Variants in GABRG3 observed in about 807,000 individuals in gnomAD.
The protein encoded by GABRG3 is gamma-aminobutyric acid receptor subunit gamma-3.
A neutral mutation model predicts 48.8 loss-of-function variants in GABRG3; 25 were observed. The observed-to-expected ratio is 0.51, with a 90% confidence interval of 0.37 to 0.72. GABRG3 has a LOEUF of 0.72. GABRG3 is among the 30% of genes least tolerant of loss of function. The pLI is 0.00. For missense variants in GABRG3, 394 were observed against 577.9 expected, an observed-to-expected ratio of 0.68 and a Z score of 3.26; for synonymous variants, 227 against 217.6, an observed-to-expected ratio of 1.04 and a Z score of -0.38.
intron 3 of GABRG3, among the ~76,000 whole-genome samples, chr15:27,064,538 G>A (rs1896705640): frequency 6.6e-6 from 1 of 152,146 alleles, no homozygotes. Flanking sequence ...TTAGGGCTGA[G>A]GTGGGCAGCT....
At chr15:27,080,696 G>A (rs549937764) in intron 3 of GABRG3, among the ~76,000 whole-genome samples, 54 of 152,318 alleles carry the variant, frequency 3.5e-4, no homozygotes, top group Admixed American at 7.2e-4. Context: ...ATAAGACACC[G>A]TAAGAGATTG....
In GABRG3 at chr15:27,180,453, C is replaced by G. The variant is rs1301979113; in HGVS notation, c.271-146356C>G. On this transcript the variant is annotated intron_variant, in intron 3 of 9. Coordinates refer to ENST00000615808, the MANE Select transcript of GABRG3 (RefSeq NM_033223.5). This position sits in a 1 kb window ranked among gnomAD's most constrained non-coding sequence, Gnocchi z 4.2. Reference sequence around the variant, plus strand: ...CATCCATTGTCACACTCGGGACTCTCTGCCTACCCTATGCTTGCACTAGAT... The same window carrying G: ...CATCCATTGTCACACTCGGGACTCTGTGCCTACCCTATGCTTGCACTAGAT... 7.9e-5 allele frequency among the ~76,000 whole-genome samples: 12 copies of G among 152,108 alleles called. No homozygotes were observed. Among genetic ancestry groups the G allele is most frequent in the Non-Finnish European group, 1.5e-5 (1 of 68,024 alleles).
intron 3 of GABRG3, among the ~76,000 whole-genome samples, chr15:27,029,776 C>T (rs1942255390): frequency 6.6e-6 from 1 of 152,120 alleles, no homozygotes; most frequent in Non-Finnish European, 1.5e-5. Flanking sequence ...CCCGAGCTGG[C>T]AGGCTCTGGC....
At chr15:27,467,305 C>T (rs556521673) in intron 5 of GABRG3, among the ~76,000 whole-genome samples, 201 of 152,286 alleles carry the variant, frequency 1.3e-3, no homozygotes, top group African/African-American at 4.3e-3. Flanking sequence ...CTTCAAATAC[C>T]GTCACACTGG....
rs1377196578 is a variant in GABRG3 at position 27,248,786 on chromosome 15, A to ACC, written c.271-78022_271-78021insCC. Reference sequence around the variant, plus strand: ...AAGGAAAACACACACACACACACACACACACACACACACACACAGAGAGAG... The same window carrying ACC: ...AAGGAAAACACACACACACACACACACCCACACACACACACACACAGAGAGAG... On this transcript the variant is annotated intron_variant, in intron 3 of 9. Coordinates refer to ENST00000615808, the MANE Select transcript of GABRG3 (RefSeq NM_033223.5). Among the ~76,000 whole-genome samples, 524 of 113,314 alleles carry ACC rather than the reference A, an allele frequency of 4.6e-3. 3 individuals carry two copies. Among genetic ancestry groups the ACC allele is most frequent in the African/African-American group, 0.018 (478 of 26,008 alleles). The allele number at this position is 113,314 out of a possible 152,430, so 74.3% of individuals were successfully genotyped here.
intron 5 of GABRG3, among the ~76,000 whole-genome samples, chr15:27,399,863 C>A (rs1453228138): frequency 1.3e-5 from 2 of 152,108 alleles, no homozygotes; most frequent in Non-Finnish European, 2.9e-5. Context: ...GTTAAATACC[C>A]GCATTTTACT....
chr15:27,521,248 A>C (rs1363237846), intron 7 of GABRG3, among the ~76,000 whole-genome samples: 1 of 152,168 alleles, frequency 6.6e-6, no homozygotes, highest in Non-Finnish European at 1.5e-5. Context: ...ATTTATAGCC[A>C]GAAGAATTGA....
intron 3 of GABRG3, among the ~76,000 whole-genome samples, chr15:27,196,046 G>A (rs1888487685): frequency 6.6e-6 from 1 of 152,172 alleles, no homozygotes; most frequent in African/African-American, 2.4e-5. Flanking sequence ...TCCCTTGGAG[G>A]TGTAGTTGGA....
intron 6 of GABRG3, among the ~76,000 whole-genome samples, chr15:27,506,938 G>A (rs1890775681): frequency 6.7e-6 from 1 of 150,370 alleles, no homozygotes; most frequent in Admixed American, 6.6e-5. Context: ...TTTATTCTTT[G>A]CAATATTGCA....
chr15:27,164,369 TTAGTATC>T (rs1887303962), intron 3 of GABRG3, among the ~76,000 whole-genome samples: 1 of 152,200 alleles, frequency 6.6e-6, no homozygotes, highest in Non-Finnish European at 1.5e-5. Flanking sequence ...AAGTTGTCAT[TTAGTATC>T]AAATCTACAG....
chr15:27,065,126 C>T (rs1482191618), intron 3 of GABRG3, among the ~76,000 whole-genome samples: 2 of 152,188 alleles, frequency 1.3e-5, no homozygotes, highest in Non-Finnish European at 2.9e-5. Context: ...CGTTGGCTGC[C>T]ACTCTCAATG....
intron 2 of GABRG3, among the ~76,000 whole-genome samples, chr15:26,981,960 G>C (rs1052503801): frequency 2.6e-5 from 4 of 152,138 alleles, no homozygotes; most frequent in Non-Finnish European, 4.4e-5. Flanking sequence ...GTGCAGCGTT[G>C]GAGAAATCAT....
At chr15:27,330,735 G>A (rs1019234511) in intron 5 of GABRG3, among the ~76,000 whole-genome samples, 3 of 152,208 alleles carry the variant, frequency 2.0e-5, no homozygotes, top group Non-Finnish European at 4.4e-5. Context: ...ATACATGAAA[G>A]TGAATGCCTT....
intron 2 of GABRG3, among the ~76,000 whole-genome samples, chr15:26,990,713 T>C (rs1281123856): frequency 8.5e-5 from 13 of 152,088 alleles, no homozygotes; most frequent in Admixed American, 6.5e-4. Flanking sequence ...CTCAGACCAG[T>C]GTCCTAGAGA....
chr15:26,971,353 G>A lies in GABRG3; in HGVS notation c.-183G>A. 1 of 367,888 alleles carries A rather than the reference G, an allele frequency of 2.7e-6. No homozygotes were observed. The highest frequency in any genetic ancestry group is 4.7e-6 in the Non-Finnish European group (1 of 212,232). 22.8% of individuals were successfully genotyped at this position (367,888 alleles called of 1,614,324 possible). Reference sequence around the variant, plus strand: ...GCGCCGCGGTGGCCCGGCGTCCCGTGTGCGTCCAGTGTGCGCCCCGCGGGG... The same window carrying A: ...GCGCCGCGGTGGCCCGGCGTCCCGTATGCGTCCAGTGTGCGCCCCGCGGGG... On this transcript the variant is annotated 5_prime_UTR_variant, in exon 1 of 10. In the 5' UTR this introduces an upstream ATG that the reference lacks. Transcript: ENST00000615808.
At chr15:27,335,059 ATAT>A (rs1893919306) in intron 5 of GABRG3, among the ~76,000 whole-genome samples, 1 of 152,192 alleles carries the variant, frequency 6.6e-6, no homozygotes. Flanking sequence ...TGACTGAACA[ATAT>A]TATATCATAT....
At chr15:27,186,754 C>A (rs762049336) in intron 3 of GABRG3, among the ~76,000 whole-genome samples, 4 of 152,128 alleles carry the variant, frequency 2.6e-5, no homozygotes, top group African/African-American at 9.7e-5. Context: ...TCTTTGATTA[C>A]AAGTGATGTT....
chr15:27,521,636 A>T (rs1368956950), intron 7 of GABRG3, among the ~76,000 whole-genome samples: 1 of 152,106 alleles, frequency 6.6e-6, no homozygotes, highest in Non-Finnish European at 1.5e-5. Flanking sequence ...ATATGATTTT[A>T]ATTAATGAAT....
intron 5 of GABRG3, among the ~76,000 whole-genome samples, chr15:27,368,838 G>A (rs1383411053): frequency 1.3e-5 from 2 of 152,172 alleles, no homozygotes; most frequent in African/African-American, 4.8e-5. Context: ...TTTGCTGGGT[G>A]TGGGAAGGTA....
Sources: gnomAD v4.1 joint callset for allele counts (sites outside exome capture counted in the v4.1 genomes callset) on GRCh38, gnomAD v4.1.1 for gene constraint, Gnocchi (gnomAD v3.1) non-coding constraint, MANE v1.5 for transcripts, NCBI Gene and HGNC (gene_info 2026-07-23, HGNC 2026-07-21) for gene names.